Variants in HCN1 observed in about 807,000 individuals in gnomAD.
The protein encoded by HCN1 is hyperpolarization activated cyclic nucleotide gated potassium channel 1.
In HCN1, 13 loss-of-function variants were observed where a neutral mutation model predicts 78.9. The ratio of observed to expected loss-of-function variants is 0.16; its 90% confidence interval spans 0.11 to 0.26. The LOEUF (loss-of-function observed/expected upper bound fraction) is 0.26, where lower values mean the gene tolerates loss of function less well. Among genes scored for constraint, HCN1 ranks in the 10% least tolerant of loss-of-function variants. HCN1 has a pLI of 1.00. For missense variants in HCN1, 810 were observed against 1,154.3 expected (o/e 0.70, Z 4.32); for synonymous variants, 552 against 455.5 (o/e 1.21, Z -2.70).
chr5:45,607,755 AATT>A (rs1220738770), intron 2 of HCN1, among the ~76,000 whole-genome samples: 3 of 151,700 alleles, frequency 2.0e-5, no homozygotes, highest in Non-Finnish European at 4.4e-5. Flanking sequence ...CTTTAATAAA[AATT>A]ATTGGCAAAA....
At chr5:45,340,841 TCA>T (rs1410957033) in intron 5 of HCN1, among the ~76,000 whole-genome samples, 1 of 152,190 alleles carries the variant, frequency 6.6e-6, no homozygotes, top group Non-Finnish European at 1.5e-5. Flanking sequence ...ATAGCCTCTC[TCA>T]GAGCGATATG....
At chr5:45,371,231 G>T (rs990773007) in intron 4 of HCN1, among the ~76,000 whole-genome samples, 1 of 151,880 alleles carries the variant, frequency 6.6e-6, no homozygotes, top group African/African-American at 2.4e-5. Context: ...AGAGAAACAA[G>T]AGCAAATCAA....
intron 1 of HCN1, among the ~76,000 whole-genome samples, chr5:45,691,346 T>G (rs892561063): frequency 6.6e-6 from 1 of 152,056 alleles, no homozygotes; most frequent in African/African-American, 2.4e-5. Flanking sequence ...AAATGAAAAC[T>G]ATCTTATAAT....
intron 5 of HCN1, among the ~76,000 whole-genome samples, chr5:45,347,082 CT>C (rs1746736331): frequency 6.6e-6 from 1 of 152,216 alleles, no homozygotes; most frequent in African/African-American, 2.4e-5. Flanking sequence ...TCCCTGACCC[CT>C]GATCCCCGAA....
At chr5:45,665,192 G>T (rs899449571) in intron 1 of HCN1, among the ~76,000 whole-genome samples, 10 of 151,176 alleles carry the variant, frequency 6.6e-5, no homozygotes, top group Non-Finnish European at 1.0e-4. Context: ...GTAAACTATC[G>T]CAAGGACTAA....
chr5:45,416,192 T>G (rs1294975751), intron 3 of HCN1, among the ~76,000 whole-genome samples: 1 of 151,912 alleles, frequency 6.6e-6, no homozygotes, highest in Non-Finnish European at 1.5e-5. Flanking sequence ...TATTTCAAAT[T>G]TATTAGGTAT....
intron 5 of HCN1, among the ~76,000 whole-genome samples, chr5:45,349,051 C>T (rs1746822762): frequency 6.6e-6 from 1 of 152,186 alleles, no homozygotes; most frequent in Non-Finnish European, 1.5e-5. Context: ...ACTCTCCACC[C>T]CAAATCAATA....
In HCN1 at chr5:45,360,244, C is replaced by T. The variant is rs1008842463; in HGVS notation, c.1231-6998G>A. On this transcript the variant is annotated intron_variant, in intron 4 of 7. Transcript: ENST00000303230. Reference sequence around the variant, plus strand: ...ATAAAAAAGTATAAATTTTATATTCCAGTGACTACATGTGTTTTAAATGTA... The same window carrying T: ...ATAAAAAAGTATAAATTTTATATTCTAGTGACTACATGTGTTTTAAATGTA... Among the ~76,000 whole-genome samples, 125 of 151,418 alleles carry T rather than the reference C, an allele frequency of 8.3e-4. 1 individual carries two copies. Among genetic ancestry groups the T allele is most frequent in the African/African-American group, 3.0e-3 (124 of 41,416 alleles).
At chr5:45,348,547 C>G (rs1247462981) in intron 5 of HCN1, among the ~76,000 whole-genome samples, 1 of 152,104 alleles carries the variant, frequency 6.6e-6, no homozygotes, top group South Asian at 2.1e-4. Flanking sequence ...GGACTAAATG[C>G]TCCAATTAAA....
At chr5:45,640,734 C>T (rs947357406) in intron 2 of HCN1, among the ~76,000 whole-genome samples, 2 of 151,746 alleles carry the variant, frequency 1.3e-5, no homozygotes, top group Admixed American at 6.6e-5. Flanking sequence ...GCCACCATGC[C>T]CAGCTACTTT....
chr5:45,496,039 C>T (rs941443754), intron 2 of HCN1, among the ~76,000 whole-genome samples: 1 of 152,110 alleles, frequency 6.6e-6, no homozygotes, highest in African/African-American at 2.4e-5. Context: ...CAATGTTCAT[C>T]AAGGATATTG....
intron 3 of HCN1, among the ~76,000 whole-genome samples, chr5:45,445,849 A>C (rs1740783331): frequency 6.6e-6 from 1 of 152,312 alleles, no homozygotes; most frequent in East Asian, 1.9e-4. Context: ...AAGGAAAACT[A>C]ACAAACACAA....
rs79491080 is a variant in HCN1, at chr5:45,353,491, T to C, written c.1231-245A>G. On this transcript the variant is annotated intron_variant, in intron 4 of 7. Coordinates refer to ENST00000303230, the MANE Select transcript of HCN1 (RefSeq NM_021072.4). ...ACTAAGATATCGTGGAGAGGAGGCATGAAGGGAGTTAAGAGTGAATTTAAG... is the reference window on the plus strand; with the variant it reads ...ACTAAGATATCGTGGAGAGGAGGCACGAAGGGAGTTAAGAGTGAATTTAAG... Among the ~76,000 whole-genome samples, 2,445 of 151,992 alleles carry C rather than the reference T, an allele frequency of 0.016. 69 individuals are homozygous for C. Among genetic ancestry groups the C allele is most frequent in the African/African-American group, 0.056 (2,322 of 41,480 alleles).
chr5:45,359,404 CA>C (rs71000628), intron 4 of HCN1, among the ~76,000 whole-genome samples: 17,185 of 142,994 alleles, frequency 0.12, 1,109 homozygotes, highest in Middle Eastern at 0.17. Flanking sequence ...CAGGAAGCAT[CA>C]AAAAAAAAAA....
At chr5:45,407,606 G>C (rs1489854520) in intron 3 of HCN1, among the ~76,000 whole-genome samples, 1 of 151,890 alleles carries the variant, frequency 6.6e-6, no homozygotes, top group Non-Finnish European at 1.5e-5. Context: ...TGCAACCTCC[G>C]CCTACCTGGC....
At chr5:45,418,565 A>C (rs939505391) in intron 3 of HCN1, among the ~76,000 whole-genome samples, 2 of 151,974 alleles carry the variant, frequency 1.3e-5, no homozygotes, top group Non-Finnish European at 2.9e-5. Context: ...TTATGGTAGA[A>C]TAAAGGTCAC....
rs1477230950 is a variant in HCN1 at position 45,446,922 on chromosome 5, G to A, written c.1011+14924C>T. On this transcript the variant is annotated intron_variant, in intron 3 of 7. Transcript: ENST00000303230. The stretch of plus-strand genomic sequence containing the variant: ...TGGAAAGGAACAACTGGTACCAGCC[G>A]CTGCAAAATCATTCCAAAATGTAAA... Among the ~76,000 whole-genome samples the A allele has an allele frequency of 5.9e-5, 9 of 152,066 alleles. No homozygotes were observed. In the East Asian group the frequency reaches 7.7e-4, roughly 13 times the overall value.
intron 2 of HCN1, among the ~76,000 whole-genome samples, chr5:45,607,228 A>G (rs1012813053): frequency 1.3e-5 from 2 of 151,842 alleles, no homozygotes; most frequent in Non-Finnish European, 2.9e-5. Context: ...ATCAAATGAA[A>G]AATGGGACAT....
intron 3 of HCN1, among the ~76,000 whole-genome samples, chr5:45,413,568 G>A (rs1488985980): frequency 2.0e-5 from 3 of 151,928 alleles, no homozygotes; most frequent in Non-Finnish European, 2.9e-5. Flanking sequence ...ACACCATGCA[G>A]GAGCAAATTG....
Sources: gnomAD v4.1 joint callset for allele counts (sites outside exome capture counted in the v4.1 genomes callset) on GRCh38, gnomAD v4.1.1 for gene constraint, MANE v1.5 for transcripts, NCBI Gene and HGNC (gene_info 2026-07-23, HGNC 2026-07-21) for gene names.